Variants in KYNU observed in about 807,000 individuals in gnomAD.
KYNU encodes the protein kynureninase.
A neutral mutation model predicts 59.2 loss-of-function variants in KYNU; 54 were observed. The observed-to-expected ratio is 0.91, with a 90% CI of 0.73 to 1.14. The LOEUF (loss-of-function observed/expected upper bound fraction) is 1.14, where lower values mean the gene tolerates loss of function less well. Among genes scored for constraint, KYNU ranks in the 50% most tolerant of loss-of-function variants. The probability of loss-of-function intolerance (pLI) is 0.00; values close to 1 mark genes in which losing one functional copy is unlikely to be tolerated. For missense variants in KYNU, 567 were observed against 554.4 expected, an observed-to-expected ratio of 1.02 and a Z score of -0.23; for synonymous variants, 177 against 192.0, an observed-to-expected ratio of 0.92 and a Z score of 0.65.
chr2:143,007,782 C>G (rs1306360208), intron 10 of KYNU, among the ~76,000 whole-genome samples: 2 of 124,936 alleles, frequency 1.6e-5, no homozygotes, highest in Non-Finnish European at 3.2e-5. Flanking sequence ...AATTTTCAAC[C>G]CAGAATTTCA....
chr2:142,988,474 T>C (rs1178560372), intron 10 of KYNU, among the ~76,000 whole-genome samples: 7 of 151,950 alleles, frequency 4.6e-5, no homozygotes, highest in Non-Finnish European at 1.0e-4. Context: ...TTATATGCTA[T>C]AAGAAAGAAT....
chr2:143,032,711 TTGTGTGTGTG>T (rs61062901), intron 11 of KYNU, among the ~76,000 whole-genome samples: 1 of 129,370 alleles, frequency 7.7e-6, no homozygotes, highest in African/African-American at 2.9e-5. Flanking sequence ...GCTCCCTCTA[TTGTGTGTGTG>T]TGTGTGTGTG....
chr2:142,890,194 GAAAT>G (rs1681669282), intron 2 of KYNU, among the ~76,000 whole-genome samples: 2 of 151,930 alleles, frequency 1.3e-5, no homozygotes, highest in Non-Finnish European at 2.9e-5. Context: ...ATATAAGAAA[GAAAT>G]AAAAAGAAAA....
chr2:143,032,763 A>C (rs1297831071), intron 11 of KYNU, among the ~76,000 whole-genome samples: 7 of 31,958 alleles, frequency 2.2e-4, no homozygotes, highest in Non-Finnish European at 5.0e-4. Context: ...TCTGTAAGAG[A>C]AACCACTTGA....
chr2:142,902,364 CT>C (rs1040328372), intron 2 of KYNU, among the ~76,000 whole-genome samples: 8 of 151,994 alleles, frequency 5.3e-5, no homozygotes, highest in African/African-American at 1.7e-4. Context: ...GGGTTAAGGC[CT>C]TTTTTTAGGG....
chr2:142,989,287 C>T, intron 10 of KYNU: 1 of 698,548 alleles, frequency 1.4e-6, no homozygotes, highest in Non-Finnish European at 1.8e-6. Flanking sequence ...CCACGATTAG[C>T]TGGTTTAACT....
rs765735410 is a variant in KYNU at position 142,985,154 on chromosome 2, T to G, written c.800T>G (p.Val267Gly). 6 of 1,609,922 alleles carry G rather than the reference T, an allele frequency of 3.7e-6. No homozygotes were observed. Among genetic ancestry groups the G allele is most frequent in the South Asian group, 2.2e-5 (2 of 91,018 alleles). Reference protein sequence around the residue: ...NVELYLHDWGVDFACWCSYKY... With the variant: ...NVELYLHDWGGDFACWCSYKY... ...GAACTCTACTTACATGACTGGGGAGTTGATTTTGCCTGCTGGTGTTCCTAC... is the reference window on the plus strand; with the variant it reads ...GAACTCTACTTACATGACTGGGGAGGTGATTTTGCCTGCTGGTGTTCCTAC... Residue 267 changes from valine (V) to glycine (G), a missense_variant, in exon 9 of 14, where the codon GTT becomes GGT. By Grantham distance (109) the Val-to-Gly change is moderately radical. Transcript: ENST00000264170.
chr2:142,969,080 A>G (rs1684633802), intron 8 of KYNU, among the ~76,000 whole-genome samples: 1 of 152,160 alleles, frequency 6.6e-6, no homozygotes, highest in South Asian at 2.1e-4. Context: ...GGTTACGTAT[A>G]AGCATCAGAA....
At chr2:143,041,265 A>G (rs578218876) in intron 13 of KYNU, among the ~76,000 whole-genome samples, 1 of 152,110 alleles carries the variant, frequency 6.6e-6, no homozygotes, top group East Asian at 1.9e-4. Context: ...ACTTCCAATG[A>G]TTATGTAATT....
Position 142,885,529 on chromosome 2 carries a change from G to A in KYNU, c.162G>A (p.Leu54=), listed in dbSNP as rs201899367. 84 of 1,612,914 alleles carry A rather than the reference G, an allele frequency of 5.2e-5. No individual in the cohort carries two copies. The highest frequency in any genetic ancestry group is 2.8e-5 in the Non-Finnish European group (33 of 1,179,686). Residue 54 remains leucine (L), a synonymous_variant, in exon 2 of 14, where the codon CTG becomes CTA. Transcript: ENST00000264170. ...ECFYIPKIQD[L]PPVDLSLVNK... ...TTTATATTCCCAAAATACAGGATCT[G>A]CCTCCAGGTAAGAATGCTGGGAAGG... is the stretch of plus-strand genomic sequence containing the variant.
intron 8 of KYNU, among the ~76,000 whole-genome samples, chr2:142,963,314 C>T (rs1684413373): frequency 6.6e-6 from 1 of 152,124 alleles, no homozygotes; most frequent in South Asian, 2.1e-4. Flanking sequence ...TACCTGTTAC[C>T]TTCTGTCTCT....
At chr2:142,908,165 T>C (rs1246792822) in intron 2 of KYNU, among the ~76,000 whole-genome samples, 1 of 152,178 alleles carries the variant, frequency 6.6e-6, no homozygotes, top group African/African-American at 2.4e-5. Context: ...GGACTGGCCC[T>C]TCACCTCTGT....
intron 4 of KYNU, among the ~76,000 whole-genome samples, chr2:142,929,001 CT>C (rs1211840595): frequency 9.6e-6 from 1 of 104,430 alleles, no homozygotes; most frequent in Middle Eastern, 5.8e-3. Flanking sequence ...GGGTGACACC[CT>C]GTCTCAAAAA....
At chr2:142,988,406 G>A (rs565706535) in intron 10 of KYNU, among the ~76,000 whole-genome samples, 4 of 151,978 alleles carry the variant, frequency 2.6e-5, no homozygotes, top group African/African-American at 9.6e-5. Flanking sequence ...TATTTTAGCA[G>A]ACCTTTGATG....
rs138942273 is a variant in KYNU at position 142,962,294 on chromosome 2, A to G, written c.729+1524A>G. Among the ~76,000 whole-genome samples the G allele has an allele frequency of 2.9e-3, 443 of 152,300 alleles. 5 individuals carry two copies. The highest frequency in any genetic ancestry group is 0.01 in the African/African-American group (422 of 41,568). ...GGCTAGGTCATTTAATTGTTACACA[A>G]TCTTGAGCAAGTTACTTGACATCTC... is the stretch of plus-strand genomic sequence containing the variant. On this transcript the variant is annotated intron_variant, in intron 8 of 13. Transcript: ENST00000264170.
At chr2:143,012,942 GA>G (rs2105205938) in intron 10 of KYNU, among the ~76,000 whole-genome samples, 1 of 152,116 alleles carries the variant, frequency 6.6e-6, no homozygotes, top group East Asian at 1.9e-4. Flanking sequence ...ATACATAAGT[GA>G]GATCATGCAA....
intron 10 of KYNU, among the ~76,000 whole-genome samples, chr2:142,990,470 C>T (rs922527762): frequency 2.6e-5 from 4 of 151,704 alleles, no homozygotes; most frequent in Admixed American, 6.6e-5. Flanking sequence ...CTGTAAGAGC[C>T]CATACATTGC....
chr2:142,992,211 T>A (rs1262059760), intron 10 of KYNU, among the ~76,000 whole-genome samples: 3 of 151,856 alleles, frequency 2.0e-5, no homozygotes, highest in African/African-American at 7.2e-5. Flanking sequence ...ACAGGTGAAG[T>A]AGAGGACATT....
intron 10 of KYNU, among the ~76,000 whole-genome samples, chr2:142,996,041 A>G (rs1438408544): frequency 6.6e-6 from 1 of 152,058 alleles, no homozygotes; most frequent in Non-Finnish European, 1.5e-5. Flanking sequence ...TACACATGGT[A>G]GTCTAGCAAC....
Sources: gnomAD v4.1 joint callset for allele counts (sites outside exome capture counted in the v4.1 genomes callset) on GRCh38, gnomAD v4.1.1 for gene constraint, MANE v1.5 for transcripts, NCBI Gene and HGNC (gene_info 2026-07-23, HGNC 2026-07-21) for gene names.